Variants in GNAS-AS1 observed in about 807,000 individuals in gnomAD.
The protein encoded by GNAS-AS1 is GNAS antisense RNA 1, also known as GNAS antisense RNA 1 (non-protein coding).
In GNAS-AS1 at chr20:58,821,116, T is replaced by G. The variant is rs186456176; in HGVS notation, n.820-1861A>C. Among the ~76,000 whole-genome samples, 1,457 of 152,326 alleles carry G rather than the reference T, an allele frequency of 9.6e-3. 13 individuals are homozygous for G. Among genetic ancestry groups the G allele is most frequent in the Middle Eastern group, 0.027 (8 of 294 alleles). The stretch of plus-strand genomic sequence containing the variant: ...CGCTGCACTTGCAATCAGACCCCAG[T>G]GCCATGGCCGTGGGCTGCCCTTATG... On this transcript the variant is annotated intron_variant and non_coding_transcript_variant, in intron 4 of 4. Transcript: ENST00000424094.
At chr20:58,832,976 CT>C (rs2145459520) in intron 4 of GNAS-AS1, among the ~76,000 whole-genome samples, 1 of 152,340 alleles carries the variant, frequency 6.6e-6, no homozygotes, top group East Asian at 1.9e-4. Context: ...GTGACACAGG[CT>C]GGCGGCTACA....
intron 2 of GNAS-AS1, among the ~76,000 whole-genome samples, chr20:58,847,251 A>G (rs1176509936): frequency 1.6e-4 from 6 of 36,742 alleles, no homozygotes; most frequent in Middle Eastern, 0.01. Flanking sequence ...ACTACCTCTA[A>G]TATCAGCCTT....
At chr20:58,828,383 T>C (rs1173241075) in intron 4 of GNAS-AS1, among the ~76,000 whole-genome samples, 2 of 152,262 alleles carry the variant, frequency 1.3e-5, no homozygotes, top group Non-Finnish European at 2.9e-5. Flanking sequence ...TCAAGGGGGC[T>C]GACATCTGAG....
intron 1 of GNAS-AS1, among the ~76,000 whole-genome samples, chr20:58,850,186 A>G (rs1171457790): frequency 6.6e-6 from 1 of 152,040 alleles, no homozygotes; most frequent in Non-Finnish European, 1.5e-5. Context: ...GGCCCATATA[A>G]AAAGTCATTT....
chr20:58,833,117 G>C (rs2085578282), intron 4 of GNAS-AS1, among the ~76,000 whole-genome samples: 1 of 152,236 alleles, frequency 6.6e-6, no homozygotes, highest in Non-Finnish European at 1.5e-5. Context: ...ATTGCTTAAA[G>C]GCGAGGATCT....
intron 4 of GNAS-AS1, among the ~76,000 whole-genome samples, chr20:58,819,432 C>T (rs1003880834): frequency 3.9e-5 from 6 of 152,206 alleles, no homozygotes; most frequent in Admixed American, 6.5e-5. Context: ...CTTACTTTCA[C>T]GGGCAATCTT....
At chr20:58,849,736 AC>A (rs1191026465) in intron 1 of GNAS-AS1, among the ~76,000 whole-genome samples, 2 of 151,800 alleles carry the variant, frequency 1.3e-5, no homozygotes, top group African/African-American at 4.8e-5. Context: ...ATCCTTTGGG[AC>A]CCCTCTTGAG....
chr20:58,829,882 T>C (rs924720889), intron 4 of GNAS-AS1, among the ~76,000 whole-genome samples: 1 of 152,154 alleles, frequency 6.6e-6, no homozygotes, highest in African/African-American at 2.4e-5. Flanking sequence ...TCCCCCTCAC[T>C]GCATGCATTC....
intron 4 of GNAS-AS1, among the ~76,000 whole-genome samples, chr20:58,831,232 C>T (rs948489462): frequency 7.2e-5 from 11 of 152,242 alleles, no homozygotes; most frequent in African/African-American, 2.2e-4. Context: ...CCAAAATCTA[C>T]GAACAGTGGC....
intron 4 of GNAS-AS1, among the ~76,000 whole-genome samples, chr20:58,824,404 A>G (rs1461602884): frequency 6.6e-6 from 1 of 152,188 alleles, no homozygotes; most frequent in Non-Finnish European, 1.5e-5. Context: ...AGGGTTCTTA[A>G]TTTGTATAGA....
At chr20:58,832,957 TGTGAGTGTGTGACACA>T (rs924648189) in intron 4 of GNAS-AS1, among the ~76,000 whole-genome samples, 6 of 152,206 alleles carry the variant, frequency 3.9e-5, no homozygotes, top group Admixed American at 2.0e-4. Context: ...TAATTGTGAG[TGTGAGTGTGTGACACA>T]GGCTGGCGGC....
chr20:58,843,627 T>C (rs1393208461), intron 2 of GNAS-AS1, among the ~76,000 whole-genome samples: 1 of 152,200 alleles, frequency 6.6e-6, no homozygotes, highest in Non-Finnish European at 1.5e-5. Context: ...CCAGCCACTT[T>C]TAATATTTCA....
At chr20:58,842,259 C>T in intron 3 of GNAS-AS1, 2 of 398,336 alleles carry the variant, frequency 5.0e-6, no homozygotes, top group Non-Finnish European at 8.8e-6. Context: ...TAAAAAATCT[C>T]ATCCGACTTG....
chr20:58,834,469 A>C (rs888960468), intron 4 of GNAS-AS1: 7 of 151,724 alleles, frequency 4.6e-5, no homozygotes, highest in Admixed American at 3.9e-4. Flanking sequence ...GACAGCCGGA[A>C]CTCAAGATGA....
At chr20:58,819,355 T>C in intron 4 of GNAS-AS1, 1 of 397,762 alleles carries the variant, frequency 2.5e-6, no homozygotes. Flanking sequence ...ACCTGCGGCA[T>C]GATCGCCTGC....
At chr20:58,848,967 T>C in intron 1 of GNAS-AS1, 1 of 398,538 alleles carries the variant, frequency 2.5e-6, no homozygotes, top group Non-Finnish European at 4.4e-6. Context: ...CAGGGTTAAA[T>C]ACTGGGATTT....
At chr20:58,830,253 CAA>C in intron 4 of GNAS-AS1, among the ~76,000 whole-genome samples, 2 of 143,012 alleles carry the variant, frequency 1.4e-5, no homozygotes, top group Non-Finnish European at 1.5e-5. Context: ...CCACCACCAT[CAA>C]CGCCACACCA....
At chr20:58,842,894 A>G (rs1055638331) in intron 2 of GNAS-AS1, among the ~76,000 whole-genome samples, 12 of 152,200 alleles carry the variant, frequency 7.9e-5, no homozygotes, top group Non-Finnish European at 1.6e-4. Flanking sequence ...ACAGAGAATT[A>G]TTCATTAGAG....
intron 2 of GNAS-AS1, chr20:58,844,144 C>T (rs1195066034): frequency 6.6e-6 from 1 of 152,206 alleles, no homozygotes; most frequent in East Asian, 1.9e-4. Flanking sequence ...TATTATTATA[C>T]TGCTCTTCAA....
Sources: allele counts gnomAD v4.1 joint callset (sites outside exome capture counted in the v4.1 genomes callset), GRCh38; gene constraint gnomAD v4.1.1; transcripts MANE v1.5; gene names NCBI Gene and HGNC (gene_info 2026-07-23, HGNC 2026-07-21).